ERP44: variants seen among roughly 807,000 people sequenced by gnomAD.
ERP44 encodes the protein endoplasmic reticulum resident protein 44.
A neutral mutation model predicts 53.4 loss-of-function variants in ERP44; 25 were observed. The ratio of observed to expected loss-of-function variants is 0.47; its 90% CI spans 0.34 to 0.65. The LOEUF is 0.65. ERP44 is among the 30% of genes least tolerant of loss of function. The pLI is 0.01. For synonymous variants in ERP44, 145 were observed against 161.2 expected (o/e 0.90, Z 0.76); for missense variants, 338 against 493.2 (o/e 0.69, Z 2.98).
intron 4 of ERP44, among the ~76,000 whole-genome samples, chr9:100,042,128 A>G (rs1368204637): frequency 6.6e-6 from 1 of 152,208 alleles, no homozygotes; most frequent in Non-Finnish European, 1.5e-5. Context: ...GACAACCCAC[A>G]TAACTGGAGA....
At chr9:99,998,363 C>T (rs1231767892) in intron 10 of ERP44, 25 of 581,414 alleles carry the variant, frequency 4.3e-5, no homozygotes, top group South Asian at 1.4e-4. Flanking sequence ...CAGTTCCTCC[C>T]GCTTCCGCCA....
intron 1 of ERP44, among the ~76,000 whole-genome samples, chr9:100,095,730 T>C (rs1376258393): frequency 6.6e-6 from 1 of 152,138 alleles, no homozygotes; most frequent in East Asian, 1.9e-4. Context: ...TTGTAAACTA[T>C]TGATCTAGGG....
At chr9:99,988,372 G>A (rs142052832) in intron 10 of ERP44, among the ~76,000 whole-genome samples, 220 of 152,180 alleles carry the variant, frequency 1.4e-3, no homozygotes, top group African/African-American at 5.1e-3. Context: ...TCCTATGTTC[G>A]CTTCTAAGAG....
At chr9:100,038,364 G>A (rs1209076428) in intron 4 of ERP44, among the ~76,000 whole-genome samples, 2 of 152,022 alleles carry the variant, frequency 1.3e-5, no homozygotes, top group Non-Finnish European at 2.9e-5. Flanking sequence ...GGGAGATGAC[G>A]TTAAAGTGTA....
chr9:100,093,650 G>C (rs906498624), intron 1 of ERP44, among the ~76,000 whole-genome samples: 17 of 151,256 alleles, frequency 1.1e-4, no homozygotes, highest in Admixed American at 5.9e-4. Context: ...CTGTGGGGGG[G>C]GAAAAAAAAA....
At chr9:100,096,036 G>A (rs72733318) in intron 1 of ERP44, among the ~76,000 whole-genome samples, 9 of 151,740 alleles carry the variant, frequency 5.9e-5, no homozygotes, top group South Asian at 2.1e-4. Context: ...GTTCACATGC[G>A]GGACAATTAC....
intron 1 of ERP44, among the ~76,000 whole-genome samples, chr9:100,075,754 C>G (rs1826348495): frequency 6.6e-6 from 1 of 152,200 alleles, no homozygotes; most frequent in South Asian, 2.1e-4. Flanking sequence ...ACAGGCACAA[C>G]ACCTAGTGGG....
At chr9:100,015,513 G>A (rs1190274566) in intron 8 of ERP44, among the ~76,000 whole-genome samples, 1 of 152,178 alleles carries the variant, frequency 6.6e-6, no homozygotes, top group Non-Finnish European at 1.5e-5. Context: ...GATTTCAGAT[G>A]CATGGGATGA....
intron 10 of ERP44, 70 bp from the exon 11 acceptor site, chr9:99,985,139 AT>A (rs1421962229): frequency 9.2e-7 from 1 of 1,083,472 alleles, no homozygotes; most frequent in Non-Finnish European, 1.4e-6. Context: ...ACTTCACAGT[AT>A]TAAAAAAACT....
chr9:100,065,460 C>G (rs976711514), intron 1 of ERP44, among the ~76,000 whole-genome samples: 1 of 152,008 alleles, frequency 6.6e-6, no homozygotes, highest in African/African-American at 2.4e-5. Flanking sequence ...TTGAAAATTC[C>G]TAAGAGAGTC....
chr9:100,047,896 C>G (rs753539812), intron 4 of ERP44, among the ~76,000 whole-genome samples: 1 of 151,830 alleles, frequency 6.6e-6, no homozygotes, highest in African/African-American at 2.4e-5. Context: ...CAACAAAAAC[C>G]CAAATAACCT....
In ERP44 at chr9:100,050,099, C is replaced by G. The variant is rs559728427; in HGVS notation, c.286+2318G>C. Among the ~76,000 whole-genome samples, 10 of 149,618 alleles carry G rather than the reference C, an allele frequency of 6.7e-5. No homozygotes were observed. The South Asian group carries it at 2.1e-3, about 31-fold the overall frequency. ...CTGTATGATTCACTTATATAAAATT[C>G]TAGAAAATGCAAACCAATCTCCAGT... On this transcript the variant is annotated intron_variant, in intron 4 of 11. Coordinates refer to ENST00000262455, the MANE Select transcript of ERP44 (RefSeq NM_015051.3).
chr9:100,022,852 G>A (rs1412570330), intron 4 of ERP44, among the ~76,000 whole-genome samples: 2 of 152,090 alleles, frequency 1.3e-5, no homozygotes, highest in African/African-American at 2.4e-5. Context: ...GGGGGCTGGA[G>A]GAAAAGATTA....
chr9:100,059,440 C>G (rs945877532), intron 2 of ERP44, among the ~76,000 whole-genome samples: 2 of 152,176 alleles, frequency 1.3e-5, no homozygotes, highest in African/African-American at 4.8e-5. Flanking sequence ...AAACCCAGCA[C>G]TTTGGGAGGC....
intron 4 of ERP44, among the ~76,000 whole-genome samples, chr9:100,035,566 T>C (rs1438557066): frequency 6.6e-6 from 1 of 151,892 alleles, no homozygotes; most frequent in East Asian, 1.9e-4. Flanking sequence ...TCCCAGCTAT[T>C]TAGGAGGCTG....
chr9:100,049,181 G>A (rs59923379), intron 4 of ERP44, among the ~76,000 whole-genome samples: 1,986 of 152,190 alleles, frequency 0.013, 34 homozygotes, highest in African/African-American at 0.046. Flanking sequence ...AAGCCGAGGA[G>A]GAACAATCAC....
At position 99,999,079 on chromosome 9, in the gene ERP44, G is replaced by A. The variant is rs1396445364; in HGVS notation, c.1016+7427C>T. The stretch of plus-strand genomic sequence containing the variant: ...AGGCGGATGACCGCCTGCAGGGAGC[G>A]CACGGCCGTTCCCACAGCGGCGGGG... On this transcript the variant is annotated intron_variant, in intron 10 of 11. Coordinates refer to ENST00000262455, the MANE Select transcript of ERP44 (RefSeq NM_015051.3). 11 of 702,650 alleles carry A rather than the reference G, an allele frequency of 1.6e-5. No individual in the cohort carries two copies. The African/African-American group carries it at 1.6e-4, about 10-fold the overall frequency. 43.5% of individuals were successfully genotyped at this position (702,650 alleles called of 1,614,324 possible).
intron 1 of ERP44, among the ~76,000 whole-genome samples, chr9:100,060,659 T>C (rs1432207442): frequency 1.3e-5 from 2 of 152,220 alleles, no homozygotes; most frequent in African/African-American, 2.4e-5. Context: ...TTTTCACTTA[T>C]TGGTGACAAC....
chr9:100,086,191 T>C (rs1826480272), intron 1 of ERP44, among the ~76,000 whole-genome samples: 1 of 152,240 alleles, frequency 6.6e-6, no homozygotes, highest in Admixed American at 6.5e-5. Flanking sequence ...TTCCTCACTT[T>C]CATTTATACC....
Sources: gnomAD v4.1 joint callset for allele counts (sites outside exome capture counted in the v4.1 genomes callset) on GRCh38, gnomAD v4.1.1 for gene constraint, MANE v1.5 for transcripts, NCBI Gene and HGNC (gene_info 2026-07-23, HGNC 2026-07-21) for gene names.